Variants in CHODL observed in about 807,000 individuals in gnomAD.
The protein encoded by CHODL is chondrolectin, also known as transmembrane protein MT75.
Under a neutral mutation model 34.5 loss-of-function variants are expected in CHODL, and 29 were observed. The observed-to-expected ratio is 0.84, with a 90% CI of 0.63 to 1.15. CHODL has a LOEUF of 1.15. Among genes scored for constraint, CHODL ranks in the 50% most tolerant of loss-of-function variants. The pLI, the probability that CHODL is intolerant of heterozygous loss-of-function variation, is 0.00. For synonymous variants in CHODL, 125 were observed against 116.1 expected (o/e 1.08, Z -0.49); for missense variants, 332 against 332.5 (o/e 1.00, Z 0.01).
rs1212894827 is a variant in CHODL, at chr21:18,013,635, CTTTTT to C, written c.-144-14224_-144-14220del. ...GATCATTGATTTTCTGCTGCTGCTG[CTTTTT>C]TTTTTTTTTTTTGAGACAGAGTCTT... On this transcript the variant is annotated intron_variant, in intron 1 of 6. Coordinates refer to the CHODL transcript ENST00000400127. Among the ~76,000 whole-genome samples the C allele has an allele frequency of 4.2e-5, 3 of 71,892 alleles. No individual in the cohort carries two copies. In the Admixed American group the frequency reaches 5.3e-4, roughly 13 times the overall value. The allele number at this position is 71,892 out of a possible 152,430, so 47.2% of individuals were successfully genotyped here.
At chr21:18,116,666 G>C (rs770882235) in intron 2 of CHODL, among the ~76,000 whole-genome samples, 1 of 152,158 alleles carries the variant, frequency 6.6e-6, no homozygotes, top group Non-Finnish European at 1.5e-5. Context: ...GAGCAGGCCT[G>C]AGGCCACTAG....
chr21:18,012,616 A>G (rs997731378), intron 1 of CHODL, among the ~76,000 whole-genome samples: 6 of 152,224 alleles, frequency 3.9e-5, no homozygotes, highest in African/African-American at 1.4e-4. Context: ...GAAATATTGG[A>G]ACGAAAACAG....
At chr21:18,186,741 A>G (rs2824695) in intron 2 of CHODL, among the ~76,000 whole-genome samples, 14,694 of 152,200 alleles carry the variant, frequency 0.097, 1,188 homozygotes, top group African/African-American at 0.22. Context: ...CCACACAATA[A>G]TATTTCTAGG....
At chr21:18,093,768 A>G (rs995032961) in intron 2 of CHODL, among the ~76,000 whole-genome samples, 13 of 152,294 alleles carry the variant, frequency 8.5e-5, no homozygotes, top group Admixed American at 3.3e-4. Flanking sequence ...AAATTAAAGC[A>G]TACCACCAGA....
At position 18,138,264 on chromosome 21, in the gene CHODL, A is replaced by G. The variant is rs556195660; in HGVS notation, c.-45+110293A>G. Among the ~76,000 whole-genome samples, 17 of 151,998 alleles carry G rather than the reference A, an allele frequency of 1.1e-4. No individual in the cohort carries two copies. In the South Asian group the frequency reaches 2.9e-3, roughly 26 times the overall value. On this transcript the variant is annotated intron_variant, in intron 2 of 6. Transcript: ENST00000400127. ...TCATTATATATTTTGGAATTTGATCATATTTAAGCCAAAATTGGGGAAAAT... is the reference window on the plus strand; with the variant it reads ...TCATTATATATTTTGGAATTTGATCGTATTTAAGCCAAAATTGGGGAAAAT...
chr21:18,135,814 A>T (rs1363742724), intron 2 of CHODL, among the ~76,000 whole-genome samples: 1 of 152,136 alleles, frequency 6.6e-6, no homozygotes, highest in Non-Finnish European at 1.5e-5. Context: ...TGTATGGATA[A>T]ATAAGAATTT....
intron 2 of CHODL, among the ~76,000 whole-genome samples, chr21:18,204,486 C>T (rs2073690566): frequency 6.6e-6 from 1 of 152,050 alleles, no homozygotes; most frequent in South Asian, 2.1e-4. Context: ...CTAGGTCATA[C>T]CATAGGTCAT....
chr21:17,982,202 T>A (rs1483306336), intron 1 of CHODL, among the ~76,000 whole-genome samples: 1 of 152,198 alleles, frequency 6.6e-6, no homozygotes, highest in Non-Finnish European at 1.5e-5. Flanking sequence ...TATGCACATG[T>A]TTCTTTGTCA....
At chr21:18,046,183 C>T (rs1427186089) in intron 2 of CHODL, among the ~76,000 whole-genome samples, 4 of 151,838 alleles carry the variant, frequency 2.6e-5, no homozygotes, top group Non-Finnish European at 5.9e-5. Context: ...AGCAGGCCAA[C>T]GCCAGATTCC....
intron 2 of CHODL, among the ~76,000 whole-genome samples, chr21:18,160,777 A>G (rs117268710): frequency 0.012 from 1,806 of 152,312 alleles, 25 homozygotes; most frequent in Middle Eastern, 0.027. Context: ...TATTGTGGAT[A>G]GTGCTGTAAT....
chr21:18,092,107 G>T (rs2065080845), intron 2 of CHODL, among the ~76,000 whole-genome samples: 1 of 152,074 alleles, frequency 6.6e-6, no homozygotes, highest in South Asian at 2.1e-4. Flanking sequence ...TTCCAATGTT[G>T]GTGGCCACGG....
chr21:18,064,937 A>C (rs1044677748), intron 2 of CHODL, among the ~76,000 whole-genome samples: 2 of 152,206 alleles, frequency 1.3e-5, no homozygotes, highest in African/African-American at 4.8e-5. Flanking sequence ...GCTTCAAATG[A>C]TTTGTGTCAG....
intron 2 of CHODL, among the ~76,000 whole-genome samples, chr21:18,099,079 A>G (rs2065177774): frequency 6.6e-6 from 1 of 152,034 alleles, no homozygotes; most frequent in African/African-American, 2.4e-5. Context: ...AGCTGCTTGG[A>G]AGGGTAGTGG....
intron 2 of CHODL, among the ~76,000 whole-genome samples, chr21:18,057,952 T>G (rs894584893): frequency 4.6e-5 from 7 of 152,106 alleles, no homozygotes; most frequent in African/African-American, 1.2e-4. Flanking sequence ...TCACCTCAAA[T>G]ATTTATTATT....
chr21:18,175,491 G>T (rs1337700860), intron 2 of CHODL, among the ~76,000 whole-genome samples: 1 of 152,012 alleles, frequency 6.6e-6, no homozygotes, highest in African/African-American at 2.4e-5. Context: ...TACTCGGGAG[G>T]CTGAGGCAGG....
chr21:17,929,267 A>G (rs1411782466), intron 1 of CHODL, among the ~76,000 whole-genome samples: 2 of 152,328 alleles, frequency 1.3e-5, no homozygotes, highest in East Asian at 3.9e-4. Context: ...ATCACTAACA[A>G]TTCATCAATT....
At chr21:17,965,427 C>A (rs2063564031) in intron 1 of CHODL, among the ~76,000 whole-genome samples, 1 of 152,008 alleles carries the variant, frequency 6.6e-6, no homozygotes, top group East Asian at 1.9e-4. Flanking sequence ...TCCTTTGCTT[C>A]CTTCATTCCT....
At chr21:18,070,929 T>A (rs1340022826) in intron 2 of CHODL, among the ~76,000 whole-genome samples, 1 of 152,100 alleles carries the variant, frequency 6.6e-6, no homozygotes, top group Non-Finnish European at 1.5e-5. Context: ...TCTTCCTGCA[T>A]TACTCAGTTC....
chr21:17,932,803 C>G (rs183538502), intron 1 of CHODL, among the ~76,000 whole-genome samples: 5 of 152,206 alleles, frequency 3.3e-5, no homozygotes, highest in African/African-American at 1.2e-4. Context: ...GACACAGAGA[C>G]AAAGTATGGA....
Sources: allele counts gnomAD v4.1 joint callset (sites outside exome capture counted in the v4.1 genomes callset), GRCh38; gene constraint gnomAD v4.1.1; transcripts MANE v1.5; gene names NCBI Gene and HGNC (gene_info 2026-07-23, HGNC 2026-07-21).